The following PTCH1 variants were observed in gnomAD, a reference collection of about 807,000 sequenced individuals.
PTCH1 encodes protein patched homolog 1.
PTCH1 carries 14 observed loss-of-function variants against 144.6 expected under a neutral mutation model. The observed-to-expected ratio is 0.10, with a 90% CI of 0.06 to 0.15. PTCH1 has a LOEUF of 0.15. Among genes scored for constraint, PTCH1 ranks in the 10% least tolerant of loss-of-function variants. The pLI, the probability that PTCH1 is intolerant of heterozygous loss-of-function variation, is 1.00. For synonymous variants in PTCH1, 833 were observed against 793.6 expected (o/e 1.05, Z -0.83); for missense variants, 1,623 against 1,948.3 (o/e 0.83, Z 3.14).
In PTCH1 at chr9:95,480,315, A is replaced by G. The variant is rs148770549; in HGVS notation, c.945+75T>C. On this transcript the variant is annotated intron_variant, in intron 6 of 23. Coordinates refer to ENST00000331920, the MANE Select transcript of PTCH1 (RefSeq NM_000264.5). ...ATGAAATGTTAAAAATGAAAATAAT[A>G]AAGTGAACGATGAATGGACACAAAA... 8.7e-4 allele frequency: 1,369 copies of G among 1,565,674 alleles called. 6 individuals are homozygous for G. In the Middle Eastern group the frequency reaches 0.013, roughly 14 times the overall value.
intron 22 of PTCH1, among the ~76,000 whole-genome samples, chr9:95,447,690 G>A (rs186348116): frequency 2.3e-4 from 35 of 152,326 alleles, no homozygotes; most frequent in Non-Finnish European, 3.7e-4. Flanking sequence ...GGCTGGACAC[G>A]TACTGCTGCT....
In PTCH1 at chr9:95,449,285, G is replaced by A. The variant is rs1317133080; in HGVS notation, c.3588C>T (p.Pro1196=). Residue 1196 remains proline (P), a synonymous_variant, in exon 22 of 24, where the codon CCC becomes CCT. Coordinates refer to ENST00000331920, the MANE Select transcript of PTCH1 (RefSeq NM_000264.5). This position sits in a 1 kb window ranked among gnomAD's most constrained non-coding sequence, Gnocchi z 5.3. The part of the protein sequence containing the change: ...PANGLNRLPT[P]SPEPPPSVVR... The stretch of plus-strand genomic sequence containing the variant: ...CCACGCTGGGGGGTGGCTCAGGGGA[G>A]GGTGTGGGCAGGCGGTTCAAGCCGT... 6.4e-7 allele frequency: 1 copy of A among 1,559,944 alleles called. No individual in the cohort carries two copies. Among genetic ancestry groups the A allele is most frequent in the African/African-American group, 1.4e-5 (1 of 73,904 alleles).
At chr9:95,490,539 AC>A in intron 2 of PTCH1, among the ~76,000 whole-genome samples, 1 of 151,790 alleles carries the variant, frequency 6.6e-6, no homozygotes, top group Non-Finnish European at 1.5e-5. Context: ...ACACACACAC[AC>A]ACACACACAC....
At chr9:95,507,908 A>ACACACACACACACACG (rs1554709332) in intron 1 of PTCH1, 8 of 1,356,410 alleles carry the variant, frequency 5.9e-6, no homozygotes, top group Non-Finnish European at 7.7e-6. Flanking sequence ...GTGTGTATAC[A>ACACACACACACACACG]CACACACACA....
At chr9:95,466,060 T>C (rs1839968715) in intron 15 of PTCH1, among the ~76,000 whole-genome samples, 1 of 152,210 alleles carries the variant, frequency 6.6e-6, no homozygotes, top group Non-Finnish European at 1.5e-5. Flanking sequence ...TATTTATTAT[T>C]TTTGGAGATG....
intron 1 of PTCH1, 85 bp downstream of exon 1, chr9:95,508,076 A>AGT: frequency 1.9e-6 from 3 of 1,586,318 alleles, no homozygotes; most frequent in Non-Finnish European, 2.6e-6. Context: ...AGAGGAAGAG[A>AGT]GTGTGTGTGT....
chr9:95,477,992 A>G, intron 9 of PTCH1, 63 bp downstream of exon 9: 1 of 1,611,408 alleles, frequency 6.2e-7, no homozygotes, highest in East Asian at 2.2e-5. Flanking sequence ...CAGTCATGGA[A>G]AAGTAAAGAC....
upstream of PTCH1, among the ~76,000 whole-genome samples, chr9:95,513,777 C>T (rs552469577): frequency 6.6e-6 from 1 of 152,194 alleles, no homozygotes; most frequent in South Asian, 2.1e-4. Context: ...GGCTTGACTC[C>T]CCTCCCCTAC....
At chr9:95,507,561 G>T in intron 1 of PTCH1, 1 of 480,240 alleles carries the variant, frequency 2.1e-6, no homozygotes, top group Non-Finnish European at 2.7e-6. Flanking sequence ...CTCAAAACCT[G>T]GAAAACGGGG....
At chr9:95,502,215 C>T (rs1843197868) in intron 2 of PTCH1, among the ~76,000 whole-genome samples, 1 of 152,222 alleles carries the variant, frequency 6.6e-6, no homozygotes, top group Non-Finnish European at 1.5e-5. Flanking sequence ...GGCCTCCACC[C>T]TTGAGGCCAT....
Position 95,461,446 on chromosome 9 carries a change from C to T in PTCH1, c.2703+410G>A, listed in dbSNP as rs567659474. Among the ~76,000 whole-genome samples, 4 of 152,330 alleles carry T rather than the reference C, an allele frequency of 2.6e-5. No individual in the cohort carries two copies. In the East Asian group the frequency reaches 7.7e-4, roughly 29 times the overall value. ...CCACCCACCTACCCCAAATTCTGCT[C>T]ATCCAAATGACTGCTACCCAAGAAA... On this transcript the variant is annotated intron_variant, in intron 16 of 23. Transcript: ENST00000331920.
rs185971006 is a variant in PTCH1 at position 95,455,728 on chromosome 9, T to G, written c.3306+548A>C. Among the ~76,000 whole-genome samples, 355 of 152,274 alleles carry G rather than the reference T, an allele frequency of 2.3e-3. 1 individual carries two copies. The highest frequency in any genetic ancestry group is 7.8e-3 in the African/African-American group (325 of 41,552). On this transcript the variant is annotated intron_variant, in intron 19 of 23. Transcript: ENST00000331920. The stretch of plus-strand genomic sequence containing the variant: ...GTAGAGGCTGGGAGGTCTGAGGAAC[T>G]GGGTGGGCTTAGGTAGAAGAGCCAG...
At chr9:95,446,760 C>T (rs1328576702) in intron 23 of PTCH1, 151 bp downstream of exon 23, 13 of 989,282 alleles carry the variant, frequency 1.3e-5, no homozygotes, top group Non-Finnish European at 2.0e-5. Flanking sequence ...GACACATCAG[C>T]CTTGCTCTGG....
intron 12 of PTCH1, chr9:95,474,024 T>C: frequency 2.1e-6 from 1 of 469,626 alleles, no homozygotes; most frequent in South Asian, 1.5e-5. Flanking sequence ...TGGGAGAATT[T>C]AGCGCACTGG....
rs1197767332 is a variant in PTCH1 at position 95,485,714 on chromosome 9, G to A, written c.555C>T (p.Ala185=). 2 of 1,614,126 alleles carry A rather than the reference G, an allele frequency of 1.2e-6. No homozygotes were observed. The highest frequency in any genetic ancestry group is 2.2e-5 in the East Asian group (1 of 44,880). ...LLQHLDSALQ[A]SRVHVYMYNR... is the part of the protein sequence containing the mutation. ...TGTACATGTATACATGGACACGGCT[G>A]GCCTGGAGTGCCGAGTCCAGGTGTT... The change falls in exon 3 of 24, where the codon GCC becomes GCT. Residue 185 remains alanine, a synonymous_variant. Coordinates refer to ENST00000331920, the MANE Select transcript of PTCH1 (RefSeq NM_000264.5).
At chr9:95,512,496 G>A, upstream of PTCH1, among the ~76,000 whole-genome samples, 1 of 152,028 alleles carries the variant, frequency 6.6e-6, no homozygotes, top group East Asian at 1.9e-4. Flanking sequence ...AGGAGCCAGT[G>A]TAAAAGCCTG....
rs1265885991 is a variant in PTCH1, at chr9:95,508,550, TGCTGCCGCTGCGGCC to T, written c.-204_-190del. ...CTGCTGCTGCTCACACGGCGGGCGCTGCTGCCGCTGCGGCCGCGGCCGCTGCCGGGGAGTCAGACC... is the reference window on the plus strand; with the variant it reads ...CTGCTGCTGCTCACACGGCGGGCGCTGCGGCCGCTGCCGGGGAGTCAGACC... On this transcript the variant is annotated 5_prime_UTR_variant, in exon 1 of 24. Coordinates refer to ENST00000331920, the MANE Select transcript of PTCH1 (RefSeq NM_000264.5). 3 of 1,006,780 alleles carry T rather than the reference TGCTGCCGCTGCGGCC, an allele frequency of 3.0e-6. No homozygotes were observed. The highest frequency in any genetic ancestry group is 3.6e-6 in the Non-Finnish European group (3 of 844,040). The allele number at this position is 1,006,780 out of a possible 1,614,324, so 62.4% of individuals were successfully genotyped here. A position where few individuals can be genotyped will look rare whatever the true frequency, so the allele number is the denominator to read the frequency against.
chr9:95,490,270 C>T (rs956169258), intron 2 of PTCH1, among the ~76,000 whole-genome samples: 2 of 151,650 alleles, frequency 1.3e-5, no homozygotes, highest in South Asian at 2.1e-4. Flanking sequence ...GGCCAGGAGT[C>T]GAGACCAGCC....
intron 2 of PTCH1, chr9:95,494,311 C>T (rs904091053): frequency 1.9e-5 from 19 of 985,416 alleles, no homozygotes; most frequent in Non-Finnish European, 2.2e-5. Flanking sequence ...TCTGCCCACG[C>T]TGGACCTGCT....
Sources: allele counts gnomAD v4.1 joint callset (sites outside exome capture counted in the v4.1 genomes callset), GRCh38; gene constraint gnomAD v4.1.1; non-coding constraint Gnocchi (gnomAD v3.1); transcripts MANE v1.5; gene names NCBI Gene and HGNC (gene_info 2026-07-23, HGNC 2026-07-21).